The following ERCC6 variants were observed in gnomAD, a reference collection of about 807,000 sequenced individuals.
ERCC6 encodes ERCC excision repair 6, chromatin remodeling factor, also known as DNA excision repair protein ERCC-6.
ERCC6 carries 116 observed loss-of-function variants against 158.7 expected under a neutral mutation model. That is an observed-to-expected ratio of 0.73 (90% CI 0.63 to 0.85). The LOEUF (loss-of-function observed/expected upper bound fraction) is 0.85. Among genes scored for constraint, ERCC6 ranks in the 40% least tolerant of loss-of-function variants. The probability of loss-of-function intolerance (pLI) is 0.00; values close to 1 mark genes in which losing one functional copy is unlikely to be tolerated. For synonymous variants in ERCC6, 678 were observed against 659.3 expected (o/e 1.03, Z -0.43); for missense variants, 1,698 against 1,799.4 (o/e 0.94, Z 1.02).
In ERCC6 at chr10:49,539,043, C is replaced by G. The variant is rs1378997441; in HGVS notation, c.-96G>C. ...TGGAACCCAGCTCGACGGGCCGTGG[C>G]GCCTGCGCCCTCAGCTCAACCATAG... On this transcript the variant is annotated 5_prime_UTR_variant, in exon 1 of 21. Coordinates refer to ENST00000355832, the MANE Select transcript of ERCC6 (RefSeq NM_000124.4). 6.6e-6 allele frequency: 1 copy of G among 152,546 alleles called. No homozygotes were observed. The highest frequency in any genetic ancestry group is 2.4e-5 in the African/African-American group (1 of 41,466). The allele number at this position is 152,546 out of a possible 1,614,324, so 9.4% of individuals were successfully genotyped here. A position where few individuals can be genotyped will look rare whatever the true frequency, so the allele number is the denominator to read the frequency against.
intron 5 of ERCC6, chr10:49,515,454 A>C: frequency 6.2e-7 from 1 of 1,614,148 alleles, no homozygotes; most frequent in Non-Finnish European, 8.5e-7. Flanking sequence ...TTTGACTATC[A>C]CATGATTTAT....
chr10:49,522,370 T>C (rs577642058), intron 5 of ERCC6, among the ~76,000 whole-genome samples: 22 of 152,344 alleles, frequency 1.4e-4, no homozygotes, highest in Middle Eastern at 3.4e-3. Context: ...AATATTTCAA[T>C]GTGGATATCT....
intron 13 of ERCC6, 96 bp downstream of exon 13, chr10:49,473,931 G>T: frequency 1.8e-6 from 2 of 1,128,780 alleles, no homozygotes; most frequent in Non-Finnish European, 2.7e-6. Context: ...TGGTAGACTT[G>T]CTTCAGAATC....
At chr10:49,503,034 T>C (rs1851381067) in intron 6 of ERCC6, 1 of 152,198 alleles carries the variant, frequency 6.6e-6, no homozygotes, top group Non-Finnish European at 1.5e-5. Context: ...ACAGAACAAC[T>C]GGACCAGCTC....
intron 3 of ERCC6, among the ~76,000 whole-genome samples, chr10:49,528,738 G>C (rs4253039): frequency 3.2e-4 from 49 of 152,274 alleles, no homozygotes; most frequent in African/African-American, 1.1e-3. Context: ...ATTCCCAGCA[G>C]ACAGGCATGC....
At chr10:49,450,239 G>C (rs1322534475), downstream of ERCC6, among the ~76,000 whole-genome samples, 1 of 152,194 alleles carries the variant, frequency 6.6e-6, no homozygotes, top group Non-Finnish European at 1.5e-5. Context: ...ACTTGTCCCA[G>C]CACCATTTGT....
At chr10:49,523,872 G>T (rs959785125) in intron 5 of ERCC6, among the ~76,000 whole-genome samples, 161 bp downstream of exon 5, 1 of 151,664 alleles carries the variant, frequency 6.6e-6, no homozygotes, top group Non-Finnish European at 1.5e-5. Context: ...GGACTCAGGG[G>T]CCCCACTGCT....
intron 5 of ERCC6, chr10:49,516,146 C>T (rs1276876659): frequency 1.2e-6 from 2 of 1,614,118 alleles, no homozygotes; most frequent in East Asian, 4.5e-5. Context: ...CACCATATTC[C>T]TCATGTTTAG....
intron 4 of ERCC6, among the ~76,000 whole-genome samples, chr10:49,526,099 TTA>T (rs1309585426): frequency 3.1e-5 from 3 of 97,616 alleles, no homozygotes; most frequent in African/African-American, 1.3e-4. Flanking sequence ...ATTTATATAT[TTA>T]TATATTTATA....
At chr10:49,524,900 C>A (rs1270765762) in intron 4 of ERCC6, 123 bp from the exon 5 acceptor site, 2 of 1,533,026 alleles carry the variant, frequency 1.3e-6, no homozygotes. Context: ...AAAGAATCAT[C>A]CATGTACTAA....
chr10:49,446,016 T>G, the ERCC6 span, among the ~76,000 whole-genome samples: 1 of 152,136 alleles, frequency 6.6e-6, no homozygotes, highest in South Asian at 2.1e-4. Flanking sequence ...TCACCCCACC[T>G]CTACACTCAG....
At chr10:49,517,460 A>T (rs1253278330) in intron 5 of ERCC6, among the ~76,000 whole-genome samples, 3 of 152,186 alleles carry the variant, frequency 2.0e-5, no homozygotes. Flanking sequence ...GGAGGCAGAC[A>T]TGTGTGAAAA....
At chr10:49,484,027 C>G (rs1851032082) in intron 8 of ERCC6, among the ~76,000 whole-genome samples, 1 of 151,322 alleles carries the variant, frequency 6.6e-6, no homozygotes. Context: ...AACTGTAATC[C>G]CAGCACTTTG....
chr10:49,443,854 G>A, the ERCC6 span, among the ~76,000 whole-genome samples: 1 of 152,198 alleles, frequency 6.6e-6, no homozygotes, highest in Non-Finnish European at 1.5e-5. Context: ...GTCACTCTAT[G>A]AGGCTAGCAC....
At chr10:49,436,043 A>G in the ERCC6 span, among the ~76,000 whole-genome samples, 17 of 152,002 alleles carry the variant, frequency 1.1e-4, no homozygotes, top group African/African-American at 4.1e-4. Flanking sequence ...AGGAAGACTA[A>G]AAAACTATGA....
rs1837494076 is a variant in ERCC6 at position 49,532,578 on chromosome 10, C to T, written c.387G>A (p.Val129=). 10 of 1,614,174 alleles carry T rather than the reference C, an allele frequency of 6.2e-6. No homozygotes were observed. The highest frequency in any genetic ancestry group is 8.5e-6 in the Non-Finnish European group (10 of 1,180,044). ...EASRASQLVD[V]EKEYRSVLDD... is the part of the protein sequence containing the mutation. Reference sequence around the variant, plus strand: ...CCAGGACCGACCGATACTCCTTCTCCACGTCAACGAGCTGGGAGGCACGGC... The same window carrying T: ...CCAGGACCGACCGATACTCCTTCTCTACGTCAACGAGCTGGGAGGCACGGC... Residue 129 remains valine (V), a synonymous_variant, in exon 2 of 21, where the codon GTG becomes GTA. Transcript: ENST00000355832.
Position 49,493,118 on chromosome 10 carries a change from T to C in ERCC6, c.1820A>G (p.Lys607Arg), listed in dbSNP as rs200832611. The C allele has an allele frequency of 8.1e-6, 13 of 1,613,670 alleles. No individual in the cohort carries two copies. The highest frequency in any genetic ancestry group is 1.1e-5 in the Non-Finnish European group (13 of 1,179,710). ...LHETGSYTHKKEKLIRDVAHC... is the reference protein window; with the variant it reads ...LHETGSYTHKREKLIRDVAHC... ...AAAGGTACTGAAATATTGTGTTACC[T>C]TTTTGTGGGTATAGGAACCGGTTTC... Residue 607 changes from lysine (K) to arginine (R), a missense_variant and splice_region_variant, in exon 8 of 21, where the codon AAG becomes AGG. Lys to Arg is a conservative substitution (Grantham distance 26). Transcript: ENST00000355832.
At chr10:49,468,289 C>A (rs1402126604) in intron 18 of ERCC6, among the ~76,000 whole-genome samples, 1 of 152,228 alleles carries the variant, frequency 6.6e-6, no homozygotes, top group African/African-American at 2.4e-5. Context: ...GCCAGCCACC[C>A]TGGCCTCCCC....
intron 10 of ERCC6, among the ~76,000 whole-genome samples, chr10:49,481,142 C>T (rs935428482): frequency 6.6e-6 from 1 of 152,126 alleles, no homozygotes; most frequent in African/African-American, 2.4e-5. Context: ...AAAACAGTAA[C>T]CTCAGCTGTG....
Sources: gnomAD v4.1 joint callset for allele counts (sites outside exome capture counted in the v4.1 genomes callset) on GRCh38, gnomAD v4.1.1 for gene constraint, MANE v1.5 for transcripts, NCBI Gene and HGNC (gene_info 2026-07-23, HGNC 2026-07-21) for gene names.